The following UBR2 variants were observed in gnomAD, a reference collection of about 807,000 sequenced individuals.
UBR2 encodes E3 ubiquitin-protein ligase UBR2.
UBR2 carries 92 observed loss-of-function variants against 247.9 expected under a neutral mutation model. That is an observed-to-expected ratio of 0.37 (90% confidence interval 0.31 to 0.44). The LOEUF (loss-of-function observed/expected upper bound fraction) is 0.44, where lower values mean the gene tolerates loss of function less well. UBR2 is among the 20% of genes least tolerant of loss of function. The pLI is 1.00. For missense variants in UBR2, 1,613 were observed against 2,112.6 expected (o/e 0.76, Z 4.64); for synonymous variants, 672 against 693.5 (o/e 0.97, Z 0.49).
intron 1 of UBR2, among the ~76,000 whole-genome samples, chr6:42,568,619 A>T (rs921889563): frequency 6.6e-6 from 1 of 152,054 alleles, no homozygotes; most frequent in African/African-American, 2.4e-5. Context: ...GGTCCCAGCT[A>T]CTTGGGAGGC....
intron 1 of UBR2, among the ~76,000 whole-genome samples, chr6:42,572,563 T>C (rs1349975996): frequency 6.6e-6 from 1 of 151,990 alleles, no homozygotes; most frequent in African/African-American, 2.4e-5. Flanking sequence ...ATTTAAGGAA[T>C]ACATGTGCAG....
chr6:42,667,586 T>TC (rs1798178888), intron 34 of UBR2, among the ~76,000 whole-genome samples: 1 of 102,924 alleles, frequency 9.7e-6, no homozygotes, highest in South Asian at 3.5e-4. Flanking sequence ...TACAGTTTTG[T>TC]CTTTTTTTTT....
rs1796614929 is a variant in UBR2, at chr6:42,644,278, A to G, written c.2162A>G (p.Tyr721Cys). ...ATCATGCTCAGCCGCTTTGAACTTT[A>G]TCAGATTTTCAGTACTCCAGACTAT... Reference protein sequence around the residue: ...LMIMLSRFELYQIFSTPDYGK... With the variant: ...LMIMLSRFELCQIFSTPDYGK... Residue 721 changes from tyrosine (Y) to cysteine (C), a missense_variant, in exon 19 of 47, where the codon TAT (tyrosine) becomes TGT (cysteine). By Grantham distance (194) the Tyr-to-Cys change is radical (BLOSUM62 -2). Coordinates refer to ENST00000372901, the MANE Select transcript of UBR2 (RefSeq NM_001363705.2). The G allele has an allele frequency of 6.2e-7, 1 of 1,613,522 alleles. No homozygotes were observed. The highest frequency in any genetic ancestry group is 1.1e-5 in the South Asian group (1 of 91,058).
At chr6:42,661,754 C>T (rs1009962787) in intron 30 of UBR2, among the ~76,000 whole-genome samples, 2 of 152,068 alleles carry the variant, frequency 1.3e-5, no homozygotes, top group African/African-American at 2.4e-5. Context: ...GGGGGCGCCC[C>T]GTTACTGCCA....
In UBR2 at chr6:42,691,714, TG is replaced by T. The variant is rs1799759625; in HGVS notation, c.*542del. The T allele has an allele frequency of 6.6e-6, 1 of 152,254 alleles. No homozygotes were observed. The highest frequency in any genetic ancestry group is 6.6e-5 in the Admixed American group (1 of 15,246). 9.4% of individuals were successfully genotyped at this position (152,254 alleles called of 1,614,324 possible). On this transcript the variant is annotated 3_prime_UTR_variant, in exon 47 of 47. Coordinates refer to ENST00000372901, the MANE Select transcript of UBR2 (RefSeq NM_001363705.2). ...CTATGAGAGAGTTGGGGGACACACA[TG>T]CAGAAGAAGCCCGTGGGGAGAAGGT...
At chr6:42,662,434 T>TCATAGATG (rs1797870999) in intron 31 of UBR2, among the ~76,000 whole-genome samples, 157 bp downstream of exon 31, 1 of 152,252 alleles carries the variant, frequency 6.6e-6, no homozygotes, top group Non-Finnish European at 1.5e-5. Context: ...ATTTGCCTTG[T>TCATAGATG]CATAGATGTA....
chr6:42,640,542 AGCAGACTG>A (rs921405009), intron 16 of UBR2, among the ~76,000 whole-genome samples: 7 of 152,002 alleles, frequency 4.6e-5, no homozygotes, highest in African/African-American at 1.7e-4. Flanking sequence ...AGGGGAGCCT[AGCAGACTG>A]GCAGACTGGA....
At chr6:42,675,593 C>T (rs1418274120) in intron 38 of UBR2, among the ~76,000 whole-genome samples, 1 of 152,178 alleles carries the variant, frequency 6.6e-6, no homozygotes, top group Non-Finnish European at 1.5e-5. Flanking sequence ...GATTTTCCAA[C>T]ATGGATGCCC....
At chr6:42,570,850 ATCT>A (rs1169070173) in intron 1 of UBR2, among the ~76,000 whole-genome samples, 3 of 151,800 alleles carry the variant, frequency 2.0e-5, no homozygotes, top group African/African-American at 4.8e-5. Context: ...TGCCCAGCTA[ATCT>A]TCTTTTATTT....
intron 2 of UBR2, among the ~76,000 whole-genome samples, chr6:42,585,164 A>G (rs1792173049): frequency 6.6e-6 from 1 of 152,072 alleles, no homozygotes; most frequent in African/African-American, 2.4e-5. Flanking sequence ...ATAAATGACT[A>G]TTTCATGTTG....
At position 42,691,362 on chromosome 6, in the gene UBR2, G is replaced by A; in HGVS notation, c.*189G>A. On this transcript the variant is annotated 3_prime_UTR_variant, in exon 47 of 47. Transcript: ENST00000372901. ...AGCAGATTTTCTTGCACTGTTTGCTGTGCCCCTCAAATATAATGTCTTGGG... is the reference window on the plus strand; with the variant it reads ...AGCAGATTTTCTTGCACTGTTTGCTATGCCCCTCAAATATAATGTCTTGGG... 2 of 722,338 alleles carry A rather than the reference G, an allele frequency of 2.8e-6. No homozygotes were observed. The highest frequency in any genetic ancestry group is 4.4e-6 in the Non-Finnish European group (2 of 452,508). The allele number at this position is 722,338 out of a possible 1,614,324, so 44.7% of individuals were successfully genotyped here.
intron 13 of UBR2, 62 bp from the exon 14 acceptor site, chr6:42,635,356 G>A (rs1796022781): frequency 1.3e-6 from 2 of 1,509,464 alleles, no homozygotes; most frequent in Admixed American, 3.8e-5. Flanking sequence ...TACTTCTTAG[G>A]TTTCCATATA....
rs552074710 is a variant in UBR2, at chr6:42,606,735, CT to C, written c.864+85del. ...TTTCAGCATTTATGAACATGTCTTT[CT>C]GCTTTCTCAAATGAAAACCAAAAAT... On this transcript the variant is annotated intron_variant, in intron 7 of 46. Transcript: ENST00000372901. 1.2e-4 allele frequency: 142 copies of C among 1,213,416 alleles called. 1 individual carries two copies. The South Asian group carries it at 1.4e-3, about 12-fold the overall frequency. The allele number at this position is 1,213,416 out of a possible 1,614,324, so 75.2% of individuals were successfully genotyped here.
chr6:42,588,103 C>T (rs1472233006), intron 2 of UBR2, among the ~76,000 whole-genome samples: 1 of 152,200 alleles, frequency 6.6e-6, no homozygotes, highest in African/African-American at 2.4e-5. Context: ...CTACTTTAGA[C>T]ACCAGTTGCA....
Position 42,670,642 on chromosome 6 carries a change from A to T in UBR2, c.4031-18A>T, listed in dbSNP as rs1473751893. 1 of 1,554,736 alleles carries T rather than the reference A, an allele frequency of 6.4e-7. No homozygotes were observed. Among genetic ancestry groups the T allele is most frequent in the East Asian group, 2.3e-5 (1 of 44,188 alleles). ...ACATAACATAACATTTACCATTTTA[A>T]CCATCTTTAATCTGTAGAAAGAATT... is the stretch of plus-strand genomic sequence containing the variant. On this transcript the variant is annotated intron_variant, in intron 35 of 46. Transcript: ENST00000372901.
intron 8 of UBR2, among the ~76,000 whole-genome samples, chr6:42,614,190 AAAAAAAAAAAAAAAAC>A (rs1408080833): frequency 3.9e-4 from 15 of 38,858 alleles, no homozygotes; most frequent in African/African-American, 6.4e-4. Context: ...AAAAAAAAAA[AAAAAAAAAAAAAAAAC>A]TATATATATA....
At chr6:42,625,560 G>C (rs1367220315) in intron 11 of UBR2, among the ~76,000 whole-genome samples, 1 of 151,740 alleles carries the variant, frequency 6.6e-6, no homozygotes, top group African/African-American at 2.4e-5. Flanking sequence ...AGCAATTCTG[G>C]TGTCTCAGTC....
chr6:42,658,565 T>G, intron 28 of UBR2, 81 bp from the exon 29 acceptor site: 1 of 1,347,742 alleles, frequency 7.4e-7, no homozygotes, highest in Non-Finnish European at 1.0e-6. Context: ...TAATTGGTAT[T>G]TACAGTGAAG....
chr6:42,593,678 C>T (rs988411616), intron 3 of UBR2, among the ~76,000 whole-genome samples: 2 of 151,994 alleles, frequency 1.3e-5, no homozygotes, highest in African/African-American at 2.4e-5. Context: ...TTTCCTGAGC[C>T]CCTATTACTT....
Sources: gnomAD v4.1 joint callset for allele counts (sites outside exome capture counted in the v4.1 genomes callset) on GRCh38, gnomAD v4.1.1 for gene constraint, MANE v1.5 for transcripts, NCBI Gene and HGNC (gene_info 2026-07-23, HGNC 2026-07-21) for gene names.